Variants in AREG observed in about 807,000 individuals in gnomAD.
The protein encoded by AREG is amphiregulin B.
Under a neutral mutation model 28.0 loss-of-function variants are expected in AREG, and 16 were observed. That is an observed-to-expected ratio of 0.57 (90% CI 0.39 to 0.87). AREG has a LOEUF of 0.87. Among genes scored for constraint, AREG ranks in the 40% least tolerant of loss-of-function variants. The pLI is 0.00. For missense variants in AREG, 287 were observed against 309.1 expected, an observed-to-expected ratio of 0.93 and a Z score of 0.53; for synonymous variants, 113 against 113.5, an observed-to-expected ratio of 1.00 and a Z score of 0.02.
chr4:74,447,381 A>G (rs902374042), intron 2 of AREG, among the ~76,000 whole-genome samples: 1 of 152,210 alleles, frequency 6.6e-6, no homozygotes, highest in African/African-American at 2.4e-5. Flanking sequence ...GAATAATAAT[A>G]ATAATGCCAT....
At chr4:74,452,681 G>A in intron 5 of AREG, 26 bp downstream of exon 5, 1 of 1,590,208 alleles carries the variant, frequency 6.3e-7, no homozygotes, top group Non-Finnish European at 8.6e-7. Flanking sequence ...TATATCTTTA[G>A]ATCATATCCT....
intron 5 of AREG, among the ~76,000 whole-genome samples, chr4:74,454,177 T>G (rs1719424254): frequency 6.6e-6 from 1 of 152,218 alleles, no homozygotes; most frequent in Non-Finnish European, 1.5e-5. Context: ...ACATCAAAAT[T>G]TTTAATGTAT....
chr4:74,448,899 CCTCT>C (rs1719335919), intron 2 of AREG, 144 bp from the exon 3 acceptor site: 3 of 1,138,086 alleles, frequency 2.6e-6, no homozygotes, highest in South Asian at 3.3e-5. Context: ...GTTATGCAGT[CCTCT>C]CTAACTTTTA....
chr4:74,450,680 A>G, intron 4 of AREG, 148 bp downstream of exon 4: 1 of 1,271,574 alleles, frequency 7.9e-7, no homozygotes, highest in Non-Finnish European at 1.1e-6. Flanking sequence ...TTATTGACAA[A>G]TATCACAGAA....
At chr4:74,446,385 T>C in intron 1 of AREG, 149 bp from the exon 2 acceptor site, 1 of 1,455,414 alleles carries the variant, frequency 6.9e-7, no homozygotes, top group Non-Finnish European at 9.4e-7. Context: ...ATGTAAAGTT[T>C]CTTTCATAGA....
At chr4:74,452,945 A>T (rs954159179) in intron 5 of AREG, among the ~76,000 whole-genome samples, 1 of 152,198 alleles carries the variant, frequency 6.6e-6, no homozygotes, top group Admixed American at 6.5e-5. Context: ...AATACTAGGG[A>T]TGTAAAATAA....
chr4:74,451,178 T>C (rs1719375306), intron 4 of AREG, among the ~76,000 whole-genome samples: 1 of 152,218 alleles, frequency 6.6e-6, no homozygotes, highest in South Asian at 2.1e-4. Flanking sequence ...CCAGCGTATC[T>C]TCCCTGTGCT....
chr4:74,445,427 A>G (rs1236360225), intron 1 of AREG, 21 bp downstream of exon 1: 1 of 1,602,922 alleles, frequency 6.2e-7, no homozygotes, highest in East Asian at 2.2e-5. Context: ...ACCGGCGCTG[A>G]ACTGCTGGGC....
intron 4 of AREG, among the ~76,000 whole-genome samples, chr4:74,452,293 C>T (rs1324950311): frequency 6.6e-6 from 1 of 152,106 alleles, no homozygotes; most frequent in Non-Finnish European, 1.5e-5. Context: ...GTGTTTCATA[C>T]CTTCTCAGAA....
intron 2 of AREG, among the ~76,000 whole-genome samples, chr4:74,447,611 A>G (rs1719314404): frequency 6.6e-6 from 1 of 152,172 alleles, no homozygotes; most frequent in Admixed American, 6.6e-5. Flanking sequence ...AACAGTAAAT[A>G]AGATCTAAAT....
Position 74,445,354 on chromosome 4 carries a change from C to A in AREG, c.9C>A (p.Ala3=), listed in dbSNP as rs980568561. MR[A]PLLPPAPVVL... ...GCCGCTGCGAAGGACCAATGAGAGC[C>A]CCGCTGCTACCGCCGGCGCCGGTGG... is the stretch of plus-strand genomic sequence containing the variant. The change falls in exon 1 of 6, where the codon GCC becomes GCA. Residue 3 remains alanine, a synonymous_variant. Transcript: ENST00000395748. The A allele has an allele frequency of 1.2e-6, 2 of 1,610,572 alleles. No individual in the cohort carries two copies. Among genetic ancestry groups the A allele is most frequent in the East Asian group, 2.2e-5 (1 of 44,850 alleles).
At position 74,446,553 on chromosome 4, in the gene AREG, G is replaced by C. The variant is rs779558651; in HGVS notation, c.81G>C (p.Leu27Phe). 2 of 1,613,902 alleles carry C rather than the reference G, an allele frequency of 1.2e-6. No homozygotes were observed. The highest frequency in any genetic ancestry group is 4.5e-5 in the East Asian group (2 of 44,880). Residue 27 changes from leucine (L) to phenylalanine (F), a missense_variant, in exon 2 of 6, where the codon TTG becomes TTC. Leu to Phe is a conservative substitution (Grantham distance 22). Transcript: ENST00000395748. ...CTGCAGGCCATTATGCTGCTGGATTGGACCTCAATGACACCTACTCTGGGA... is the reference window on the plus strand; with the variant it reads ...CTGCAGGCCATTATGCTGCTGGATTCGACCTCAATGACACCTACTCTGGGA... Reference protein sequence around the residue: ...ILGSGHYAAGLDLNDTYSGKR... With the variant: ...ILGSGHYAAGFDLNDTYSGKR...
chr4:74,453,282 G>A (rs1377287667), intron 5 of AREG, among the ~76,000 whole-genome samples: 1 of 152,178 alleles, frequency 6.6e-6, no homozygotes, highest in African/African-American at 2.4e-5. Context: ...AGGGCATGGA[G>A]ACAGACAATA....
Position 74,449,241 on chromosome 4 carries a change from A to G in AREG, c.505A>G (p.Thr169Ala), listed in dbSNP as rs1326933631. The G allele has an allele frequency of 2.5e-6, 4 of 1,613,612 alleles. No homozygotes were observed. The highest frequency in any genetic ancestry group is 2.2e-5 in the East Asian group (1 of 44,768). The change falls in exon 3 of 6, where the codon ACA (threonine) becomes GCA (alanine). Residue 169 changes from threonine (T) to alanine (A), a missense_variant. Coordinates refer to ENST00000395748, the MANE Select transcript of AREG (RefSeq NM_001657.4). Reference sequence around the variant, plus strand: ...ATATATAGAGCACCTGGAAGCAGTAACATGCAAGTAAGTTTTCCTAAAGCA... The same window carrying G: ...ATATATAGAGCACCTGGAAGCAGTAGCATGCAAGTAAGTTTTCCTAAAGCA... The part of the protein sequence containing the change: ...CKYIEHLEAV[T>A]CKCQQEYFGE...
intron 3 of AREG, 145 bp downstream of exon 3, chr4:74,449,393 G>A (rs2110411859): frequency 7.1e-7 from 1 of 1,408,326 alleles, no homozygotes; most frequent in Non-Finnish European, 9.6e-7. Flanking sequence ...AATATTATAG[G>A]CTTAGTGGGC....
At position 74,445,269 on chromosome 4, in the gene AREG, C is replaced by A. The variant is rs1422944672; in HGVS notation, c.-77C>A. On this transcript the variant is annotated 5_prime_UTR_variant, in exon 1 of 6. Transcript: ENST00000395748. ...GGTCTCCACTCGCTCTTCCAACACCCGCTCGTTTTGGCGGCAGCTCGTGTC... is the reference window on the plus strand; with the variant it reads ...GGTCTCCACTCGCTCTTCCAACACCAGCTCGTTTTGGCGGCAGCTCGTGTC... 3.2e-6 allele frequency: 5 copies of A among 1,568,302 alleles called. No individual in the cohort carries two copies. In the South Asian group the frequency reaches 3.5e-5, roughly 11 times the overall value.
At chr4:74,453,964 A>G (rs1351838934) in intron 5 of AREG, among the ~76,000 whole-genome samples, 1 of 151,896 alleles carries the variant, frequency 6.6e-6, no homozygotes, top group Non-Finnish European at 1.5e-5. Flanking sequence ...CTTGTTGAAT[A>G]TGCATATTCC....
chr4:74,449,399 T>C, intron 3 of AREG, 151 bp downstream of exon 3: 1 of 1,391,976 alleles, frequency 7.2e-7, no homozygotes, highest in Non-Finnish European at 9.7e-7. Flanking sequence ...ATAGGCTTAG[T>C]GGGCCAAGAT....
At chr4:74,451,768 T>A (rs1578845357) in intron 4 of AREG, among the ~76,000 whole-genome samples, 1 of 117,766 alleles carries the variant, frequency 8.5e-6, no homozygotes, top group Non-Finnish European at 1.8e-5. Flanking sequence ...ACTTGAAATA[T>A]TTAATCATTT....
Sources: allele counts gnomAD v4.1 joint callset (sites outside exome capture counted in the v4.1 genomes callset), GRCh38; gene constraint gnomAD v4.1.1; transcripts MANE v1.5; gene names NCBI Gene and HGNC (gene_info 2026-07-23, HGNC 2026-07-21).